Variants in DNM3 observed in about 807,000 individuals in gnomAD.
DNM3 encodes the protein dynamin-3.
DNM3 carries 47 observed loss-of-function variants against 101.6 expected under a neutral mutation model. The observed-to-expected ratio is 0.46, with a 90% CI of 0.37 to 0.59. The LOEUF is 0.59. Ranked by LOEUF, DNM3 falls within the 20% of genes least tolerant of loss-of-function variation. The pLI is 0.00. For missense variants in DNM3, 849 were observed against 1,085.7 expected (o/e 0.78, Z 3.06); for synonymous variants, 385 against 387.9 (o/e 0.99, Z 0.09).
intron 14 of DNM3, among the ~76,000 whole-genome samples, chr1:172,186,160 T>A (rs2059516136): frequency 6.6e-6 from 1 of 152,100 alleles, no homozygotes; most frequent in Non-Finnish European, 1.5e-5. Flanking sequence ...ATCTTTTGGG[T>A]GCTTAGGGAC....
chr1:172,413,718 G>A, downstream of DNM3, among the ~76,000 whole-genome samples: 1 of 152,222 alleles, frequency 6.6e-6, no homozygotes, highest in East Asian at 1.9e-4. Flanking sequence ...TAGGAGGAGA[G>A]AGATGTTGAT....
intron 17 of DNM3, among the ~76,000 whole-genome samples, chr1:172,339,877 T>C (rs778732509): frequency 2.6e-5 from 4 of 152,130 alleles, no homozygotes; most frequent in African/African-American, 7.2e-5. Flanking sequence ...TAGAGGGTGA[T>C]AGAAAGGTGT....
At chr1:171,883,925 A>C (rs2036543089) in intron 1 of DNM3, among the ~76,000 whole-genome samples, 1 of 152,158 alleles carries the variant, frequency 6.6e-6, no homozygotes, top group African/African-American at 2.4e-5. Context: ...CTCTCTTATA[A>C]GGGTTTGCTT....
chr1:171,957,199 C>CTTTCT (rs2042918466), intron 2 of DNM3, among the ~76,000 whole-genome samples: 1 of 138,342 alleles, frequency 7.2e-6, no homozygotes. Flanking sequence ...TTCTTTCTTT[C>CTTTCT]TTTTTTTTTT....
intron 4 of DNM3, among the ~76,000 whole-genome samples, chr1:172,006,291 C>G (rs755956859): frequency 2.0e-5 from 3 of 152,042 alleles, no homozygotes; most frequent in Admixed American, 6.6e-5. Flanking sequence ...CTGTGTTCAA[C>G]TTGTGAAAGT....
At chr1:172,083,161 C>T (rs1255364475) in intron 12 of DNM3, among the ~76,000 whole-genome samples, 1 of 152,176 alleles carries the variant, frequency 6.6e-6, no homozygotes, top group Non-Finnish European at 1.5e-5. Flanking sequence ...TGCAGACTCA[C>T]CTAAACTGTA....
intron 17 of DNM3, among the ~76,000 whole-genome samples, chr1:172,335,787 C>G (rs1322356315): frequency 6.6e-6 from 1 of 152,106 alleles, no homozygotes; most frequent in East Asian, 1.9e-4. Flanking sequence ...CTGGGGACTA[C>G]TGGATAGGGG....
intron 11 of DNM3, among the ~76,000 whole-genome samples, chr1:172,074,716 T>C (rs1195415662): frequency 6.6e-6 from 1 of 152,254 alleles, no homozygotes; most frequent in African/African-American, 2.4e-5. Context: ...CAGTGTATCA[T>C]TGATGGCATT....
chr1:172,266,023 C>T (rs2148728615), intron 15 of DNM3, among the ~76,000 whole-genome samples: 1 of 152,300 alleles, frequency 6.6e-6, no homozygotes, highest in South Asian at 2.1e-4. Flanking sequence ...GGATGTTTCA[C>T]TACTCCACTT....
At chr1:172,003,468 G>A (rs1039050345) in intron 4 of DNM3, among the ~76,000 whole-genome samples, 5 of 151,940 alleles carry the variant, frequency 3.3e-5, no homozygotes, top group South Asian at 2.1e-4. Flanking sequence ...GAAAAAAAGC[G>A]AAATTCTTCT....
At chr1:172,292,691 A>G (rs747568183) in intron 15 of DNM3, among the ~76,000 whole-genome samples, 32 of 152,242 alleles carry the variant, frequency 2.1e-4, no homozygotes, top group Admixed American at 5.9e-4. Flanking sequence ...TTTTGCAAAA[A>G]CTGCCATTAC....
chr1:171,928,071 T>C (rs2125350767), intron 2 of DNM3, among the ~76,000 whole-genome samples: 1 of 152,360 alleles, frequency 6.6e-6, no homozygotes, highest in Middle Eastern at 3.4e-3. Flanking sequence ...TCTTTGAAGC[T>C]GACTTCTTAT....
At chr1:171,915,038 A>G (rs1346970227) in intron 1 of DNM3, among the ~76,000 whole-genome samples, 1 of 152,176 alleles carries the variant, frequency 6.6e-6, no homozygotes, top group Non-Finnish European at 1.5e-5. Context: ...GCGCACAGAG[A>G]CTTACACTAG....
intron 4 of DNM3, among the ~76,000 whole-genome samples, chr1:172,005,594 C>T (rs1261008620): frequency 6.6e-6 from 1 of 152,030 alleles, no homozygotes; most frequent in African/African-American, 2.4e-5. Flanking sequence ...AAGCCAGAGC[C>T]ACCCTTTCAA....
intron 4 of DNM3, among the ~76,000 whole-genome samples, chr1:171,999,440 G>T (rs149472292): frequency 2.0e-5 from 3 of 152,118 alleles, no homozygotes; most frequent in Non-Finnish European, 2.9e-5. Context: ...CTCTATTTTG[G>T]ATATGTAAAA....
At chr1:172,064,366 G>T (rs2051484179) in intron 10 of DNM3, among the ~76,000 whole-genome samples, 1 of 152,042 alleles carries the variant, frequency 6.6e-6, no homozygotes, top group South Asian at 2.1e-4. Context: ...AATTATAATG[G>T]TATAAATGAT....
rs201375728 is a variant in DNM3 at position 171,979,008 on chromosome 1, T to TAG, written c.236-8639_236-8638dup. 9.2e-3 allele frequency among the ~76,000 whole-genome samples: 1,393 copies of TAG among 152,090 alleles called. 21 individuals are homozygous for TAG. Among genetic ancestry groups the TAG allele is most frequent in the African/African-American group, 0.032 (1,319 of 41,472 alleles). ...GGCAATGAGATTAGATGAGATCACT[T>TAG]AGAGAGAGAGGATAGAGATGAAAAA... On this transcript the variant is annotated intron_variant, in intron 2 of 20. Coordinates refer to ENST00000627582, the MANE Select transcript of DNM3 (RefSeq NM_015569.5).
intron 14 of DNM3, among the ~76,000 whole-genome samples, chr1:172,246,840 C>A (rs1320744832): frequency 6.6e-6 from 1 of 152,106 alleles, no homozygotes; most frequent in African/African-American, 2.4e-5. Context: ...TTTTTCTTGG[C>A]TTTGGTCCCT....
chr1:172,187,907 T>G (rs2059580416), intron 14 of DNM3, among the ~76,000 whole-genome samples: 1 of 152,072 alleles, frequency 6.6e-6, no homozygotes, highest in South Asian at 2.1e-4. Flanking sequence ...GTTCCTTTAT[T>G]TGCAGCTTTA....
Sources: gnomAD v4.1 joint callset for allele counts (sites outside exome capture counted in the v4.1 genomes callset) on GRCh38, gnomAD v4.1.1 for gene constraint, MANE v1.5 for transcripts, NCBI Gene and HGNC (gene_info 2026-07-23, HGNC 2026-07-21) for gene names.